ITGB6: variants seen among roughly 807,000 people sequenced by gnomAD.
ITGB6 encodes integrin subunit beta 6, also known as integrin beta-6.
ITGB6 carries 80 observed loss-of-function variants against 84.5 expected under a neutral mutation model. The ratio of observed to expected loss-of-function variants is 0.95; its 90% CI spans 0.79 to 1.14. The LOEUF (loss-of-function observed/expected upper bound fraction) is 1.14, where lower values mean the gene tolerates loss of function less well. Among genes scored for constraint, ITGB6 ranks in the 50% most tolerant of loss-of-function variants. The pLI is 0.00. For synonymous variants in ITGB6, 383 were observed against 354.9 expected (o/e 1.08, Z -0.89); for missense variants, 1,006 against 968.0 (o/e 1.04, Z -0.52).
chr2:160,112,594 A>G (rs1290359976), intron 12 of ITGB6, among the ~76,000 whole-genome samples: 1 of 152,170 alleles, frequency 6.6e-6, no homozygotes, highest in Non-Finnish European at 1.5e-5. Flanking sequence ...GCACAGTTCA[A>G]ACTGATACTG....
At chr2:160,116,444 T>C (rs1682772523) in intron 12 of ITGB6, among the ~76,000 whole-genome samples, 1 of 151,902 alleles carries the variant, frequency 6.6e-6, no homozygotes, top group South Asian at 2.1e-4. Context: ...ATAAAATACT[T>C]TACAGACAAG....
rs554254917 is a variant in ITGB6, at chr2:160,197,405, T to C, written c.142-985A>G. Among the ~76,000 whole-genome samples, 4 of 152,324 alleles carry C rather than the reference T, an allele frequency of 2.6e-5. No homozygotes were observed. In the South Asian group the frequency reaches 8.3e-4, roughly 32 times the overall value. ...AGCAGAGATGTGGCCGTTCAAATTC[T>C]GAAACACCCAAAACAGGGAGATGGA... On this transcript the variant is annotated intron_variant, in intron 2 of 14. Transcript: ENST00000283249.
chr2:160,177,382 C>T lies in ITGB6; in HGVS notation c.594-3243G>A, dbSNP rs1487362901. 4.0e-5 allele frequency among the ~76,000 whole-genome samples: 6 copies of T among 151,840 alleles called. No individual in the cohort carries two copies. In the East Asian group the frequency reaches 5.8e-4, roughly 15 times the overall value. ...GAGATAGAGACCATCCTGGCTAACA[C>T]GGTGAAACCCCATCTCTACTGAAAA... On this transcript the variant is annotated intron_variant, in intron 4 of 14. Coordinates refer to ENST00000283249, the MANE Select transcript of ITGB6 (RefSeq NM_000888.5).
At chr2:160,127,976 T>C (rs987495594) in intron 10 of ITGB6, among the ~76,000 whole-genome samples, 2 of 152,220 alleles carry the variant, frequency 1.3e-5, no homozygotes, top group African/African-American at 4.8e-5. Context: ...ATATATCTCC[T>C]AATTTTACAT....
intron 4 of ITGB6, among the ~76,000 whole-genome samples, chr2:160,194,852 C>T (rs3111397): frequency 0.78 from 118,585 of 152,122 alleles, 46,498 homozygotes; most frequent in South Asian, 0.87. Flanking sequence ...CTGAATTTAA[C>T]AGCAGTGAAG....
At chr2:160,119,030 G>C (rs1682907506) in intron 12 of ITGB6, among the ~76,000 whole-genome samples, 1 of 152,200 alleles carries the variant, frequency 6.6e-6, no homozygotes, top group East Asian at 1.9e-4. Flanking sequence ...ACAAACAAAT[G>C]GAAGAACATT....
At chr2:160,196,660 G>T (rs977884253) in intron 2 of ITGB6, among the ~76,000 whole-genome samples, 9 of 151,944 alleles carry the variant, frequency 5.9e-5, no homozygotes, top group African/African-American at 1.9e-4. Flanking sequence ...ATGTTCAATT[G>T]AATTCACGTA....
chr2:160,151,053 A>G (rs1264434560), intron 7 of ITGB6, among the ~76,000 whole-genome samples: 1 of 152,134 alleles, frequency 6.6e-6, no homozygotes, highest in East Asian at 1.9e-4. Flanking sequence ...GAAGCTTAAC[A>G]AGGATATCCA....
intron 10 of ITGB6, among the ~76,000 whole-genome samples, chr2:160,128,282 A>AG (rs946435059): frequency 1.0e-3 from 158 of 151,898 alleles, no homozygotes; most frequent in Non-Finnish European, 1.2e-3. Context: ...TACAAAAAAA[A>AG]AAAAAGGTTC....
At chr2:160,199,877 C>A in intron 1 of ITGB6, 126 bp downstream of exon 1, 1 of 712,512 alleles carries the variant, frequency 1.4e-6, no homozygotes, top group Non-Finnish European at 2.4e-6. Flanking sequence ...TTAAAGTGTT[C>A]ACTCAGTCAC....
In ITGB6 at chr2:160,146,423, T is replaced by G. The variant is rs192243364; in HGVS notation, c.1018-4352A>C. 5.6e-3 allele frequency among the ~76,000 whole-genome samples: 860 copies of G among 152,316 alleles called. 14 individuals are homozygous for G. Among genetic ancestry groups the G allele is most frequent in the African/African-American group, 0.02 (828 of 41,550 alleles). On this transcript the variant is annotated intron_variant, in intron 7 of 14. Transcript: ENST00000283249. The stretch of plus-strand genomic sequence containing the variant: ...GTGTCACTAATGTTACTTTATTTTA[T>G]GCTCACAGCACTGTTTGTTTTCAAT...
intron 10 of ITGB6, among the ~76,000 whole-genome samples, chr2:160,131,816 G>A (rs1430609166): frequency 6.6e-6 from 1 of 152,244 alleles, no homozygotes; most frequent in East Asian, 1.9e-4. Flanking sequence ...CAAAAGAGAC[G>A]CACTGTTGTC....
At chr2:160,128,687 C>G (rs1683333914) in intron 10 of ITGB6, among the ~76,000 whole-genome samples, 1 of 152,082 alleles carries the variant, frequency 6.6e-6, no homozygotes, top group African/African-American at 2.4e-5. Flanking sequence ...GGATGGAATT[C>G]TCCCCCAGGT....
chr2:160,170,683 T>C (rs3111395), intron 6 of ITGB6, among the ~76,000 whole-genome samples: 118,892 of 152,154 alleles, frequency 0.78, 46,737 homozygotes, highest in South Asian at 0.87. Flanking sequence ...GAATCTGGCC[T>C]GAGTTTTGAG....
intron 1 of ITGB6, among the ~76,000 whole-genome samples, chr2:160,199,565 T>C (rs947973083): frequency 6.6e-6 from 1 of 152,212 alleles, no homozygotes; most frequent in Admixed American, 6.5e-5. Context: ...AGCCAATGTG[T>C]GCCACTTTAA....
intron 2 of ITGB6, among the ~76,000 whole-genome samples, chr2:160,198,864 A>G (rs1322115584): frequency 1.3e-5 from 2 of 152,246 alleles, no homozygotes; most frequent in African/African-American, 4.8e-5. Context: ...CTGATTATCC[A>G]GACAGCCTCC....
At chr2:160,144,261 A>T (rs1254844224) in intron 7 of ITGB6, among the ~76,000 whole-genome samples, 3 of 152,098 alleles carry the variant, frequency 2.0e-5, no homozygotes, top group Non-Finnish European at 4.4e-5. Context: ...TTTATTATTG[A>T]GGGGGCTGTG....
chr2:160,124,025 A>C, intron 11 of ITGB6, 137 bp from the exon 12 acceptor site: 1 of 592,148 alleles, frequency 1.7e-6, no homozygotes, highest in East Asian at 2.9e-5. Flanking sequence ...TGTTACTTTC[A>C]AAAGGATAGT....
At chr2:160,166,782 T>G (rs1466412157) in intron 7 of ITGB6, among the ~76,000 whole-genome samples, 1 of 152,166 alleles carries the variant, frequency 6.6e-6, no homozygotes, top group Admixed American at 6.5e-5. Flanking sequence ...GAGTCTGGGG[T>G]GCACACTACA....
Sources: gnomAD v4.1 joint callset for allele counts (sites outside exome capture counted in the v4.1 genomes callset) on GRCh38, gnomAD v4.1.1 for gene constraint, MANE v1.5 for transcripts, NCBI Gene and HGNC (gene_info 2026-07-23, HGNC 2026-07-21) for gene names.